HIVEP2: variants seen among roughly 807,000 people sequenced by gnomAD.
The protein encoded by HIVEP2 is transcription factor HIVEP2.
In HIVEP2, 14 loss-of-function variants were observed where a neutral mutation model predicts 180.7. The observed-to-expected ratio is 0.08, with a 90% CI of 0.05 to 0.12. The LOEUF is 0.12. HIVEP2 is among the 10% of genes least tolerant of loss of function. HIVEP2 has a pLI of 1.00. For missense variants in HIVEP2, 2,579 were observed against 3,008.5 expected, an observed-to-expected ratio of 0.86 and a Z score of 3.34; for synonymous variants, 1,184 against 1,136.4, an observed-to-expected ratio of 1.04 and a Z score of -0.84.
chr6:142,787,330 G>A (rs1473456953), intron 2 of HIVEP2, among the ~76,000 whole-genome samples: 4 of 151,982 alleles, frequency 2.6e-5, no homozygotes, highest in African/African-American at 9.7e-5. Flanking sequence ...ATAGAAACTG[G>A]AAACAAGATA....
At chr6:142,839,036 A>G (rs1366598147) in intron 1 of HIVEP2, among the ~76,000 whole-genome samples, 1 of 152,118 alleles carries the variant, frequency 6.6e-6, no homozygotes, top group Non-Finnish European at 1.5e-5. Flanking sequence ...TGGACACCTC[A>G]TATCAAAGTT....
chr6:142,868,080 T>A (rs109301), intron 1 of HIVEP2, among the ~76,000 whole-genome samples: 126,030 of 152,122 alleles, frequency 0.83, 52,711 homozygotes, highest in African/African-American at 0.88. Context: ...ACATTGCAAG[T>A]CAGCTGTGTC....
intron 1 of HIVEP2, among the ~76,000 whole-genome samples, chr6:142,854,183 C>A (rs1383341495): frequency 1.3e-5 from 2 of 152,128 alleles, no homozygotes; most frequent in African/African-American, 4.8e-5. Flanking sequence ...ATTCTGCCCC[C>A]TTAAGAGACA....
chr6:142,838,357 T>A (rs1775277859), intron 1 of HIVEP2, among the ~76,000 whole-genome samples: 1 of 152,136 alleles, frequency 6.6e-6, no homozygotes, highest in Non-Finnish European at 1.5e-5. Flanking sequence ...AGATAAATAA[T>A]CTTTATTCCA....
At chr6:142,931,499 T>C (rs979093467) in intron 1 of HIVEP2, among the ~76,000 whole-genome samples, 18 of 152,110 alleles carry the variant, frequency 1.2e-4, no homozygotes, top group African/African-American at 4.3e-4. Context: ...AGAAAAGGTA[T>C]GTGTAACTGG....
chr6:142,818,469 GA>G (rs1776902885), intron 2 of HIVEP2, among the ~76,000 whole-genome samples: 1 of 151,922 alleles, frequency 6.6e-6, no homozygotes, highest in South Asian at 2.1e-4. Flanking sequence ...TTGAGGTCAG[GA>G]GTTCAAGACT....
intron 1 of HIVEP2, among the ~76,000 whole-genome samples, chr6:142,880,941 G>C (rs1174775825): frequency 6.6e-6 from 1 of 152,122 alleles, no homozygotes; most frequent in Non-Finnish European, 1.5e-5. Flanking sequence ...CAGACGTAAG[G>C]CATCTTTAAC....
At chr6:142,808,070 C>T (rs1271092285) in intron 2 of HIVEP2, among the ~76,000 whole-genome samples, 1 of 152,182 alleles carries the variant, frequency 6.6e-6, no homozygotes, top group African/African-American at 2.4e-5. Flanking sequence ...ACTGTCCATC[C>T]AGCCTAATCT....
chr6:142,839,763 G>A (rs890369267), intron 1 of HIVEP2, among the ~76,000 whole-genome samples: 1 of 152,112 alleles, frequency 6.6e-6, no homozygotes, highest in African/African-American at 2.4e-5. Flanking sequence ...ACACTCTCGA[G>A]TAAGCCTGTG....
intron 1 of HIVEP2, among the ~76,000 whole-genome samples, chr6:142,842,497 TG>T (rs1775391374): frequency 2.0e-5 from 3 of 152,164 alleles, no homozygotes; most frequent in African/African-American, 7.2e-5. Context: ...AACGTCTGTG[TG>T]TAGATAGGCA....
intron 1 of HIVEP2, among the ~76,000 whole-genome samples, chr6:142,868,086 G>A (rs947316028): frequency 6.6e-6 from 1 of 152,114 alleles, no homozygotes; most frequent in Non-Finnish European, 1.5e-5. Context: ...CAAGTCAGCT[G>A]TGTCAGTAAT....
Position 142,773,965 on chromosome 6 carries a change from C to T in HIVEP2, c.774G>A (p.Leu258=). 1.9e-6 allele frequency: 3 copies of T among 1,614,152 alleles called. No individual in the cohort carries two copies. The highest frequency in any genetic ancestry group is 2.5e-6 in the Non-Finnish European group (3 of 1,180,024). Residue 258 remains leucine (L), a synonymous_variant, in exon 5 of 10, where the codon TTG becomes TTA. Coordinates refer to ENST00000367603, the MANE Select transcript of HIVEP2 (RefSeq NM_006734.4). ...CATCAATAAAACCAGCCTCTAGGTCCAATTTAGATACAGCTGACTCTGTGA... is the reference window on the plus strand; with the variant it reads ...CATCAATAAAACCAGCCTCTAGGTCTAATTTAGATACAGCTGACTCTGTGA... ...VPFTESAVSK[L]DLEAGFIDVE... is the part of the protein sequence containing the mutation.
intron 1 of HIVEP2, among the ~76,000 whole-genome samples, chr6:142,873,689 T>C (rs943374450): frequency 3.9e-5 from 6 of 152,116 alleles, no homozygotes; most frequent in Non-Finnish European, 8.8e-5. Context: ...GTTCATATAT[T>C]GCATGAAAAA....
chr6:142,765,067 T>G, intron 6 of HIVEP2, 93 bp from the exon 7 acceptor site: 1 of 1,163,250 alleles, frequency 8.6e-7, no homozygotes, highest in Non-Finnish European at 1.2e-6. Flanking sequence ...GGCAAAGTTT[T>G]ATGAGGGTCT....
At chr6:142,906,908 T>G (rs1381990665) in intron 1 of HIVEP2, among the ~76,000 whole-genome samples, 1 of 152,186 alleles carries the variant, frequency 6.6e-6, no homozygotes, top group East Asian at 1.9e-4. Flanking sequence ...GGTGATATAA[T>G]ATTGCTTTTG....
intron 1 of HIVEP2, among the ~76,000 whole-genome samples, chr6:142,873,271 G>T (rs544754640): frequency 6.6e-6 from 1 of 152,252 alleles, no homozygotes; most frequent in East Asian, 1.9e-4. Context: ...AAATGGCTGT[G>T]TGCCCCCAAT....
chr6:142,755,336 T>TA (rs1229713043), intron 9 of HIVEP2, among the ~76,000 whole-genome samples: 11 of 152,174 alleles, frequency 7.2e-5, no homozygotes, highest in African/African-American at 1.4e-4. Flanking sequence ...ATTCTGCACA[T>TA]AGACAAAATC....
At chr6:142,831,965 G>T (rs975691040) in intron 2 of HIVEP2, among the ~76,000 whole-genome samples, 3 of 152,206 alleles carry the variant, frequency 2.0e-5, no homozygotes, top group African/African-American at 4.8e-5. Context: ...GCCAAGGTGG[G>T]TGGATCACCT....
At chr6:142,833,376 G>A (rs1562256551) in intron 2 of HIVEP2, among the ~76,000 whole-genome samples, 1 of 152,116 alleles carries the variant, frequency 6.6e-6, no homozygotes, top group East Asian at 1.9e-4. Context: ...CACTGTGTAG[G>A]TTTTGCATGG....
Sources: allele counts gnomAD v4.1 joint callset (sites outside exome capture counted in the v4.1 genomes callset), GRCh38; gene constraint gnomAD v4.1.1; transcripts MANE v1.5; gene names NCBI Gene and HGNC (gene_info 2026-07-23, HGNC 2026-07-21).